Variants in TRPS1 observed in about 807,000 individuals in gnomAD.
TRPS1 encodes the protein zinc finger transcription factor Trps1.
In TRPS1, 6 loss-of-function variants were observed where a neutral mutation model predicts 101.2. That is an observed-to-expected ratio of 0.06 (90% CI 0.03 to 0.12). TRPS1 has a LOEUF of 0.12. TRPS1 is among the 10% of genes least tolerant of loss of function. The pLI is 1.00. For synonymous variants in TRPS1, 578 were observed against 589.8 expected (o/e 0.98, Z 0.29); for missense variants, 1,363 against 1,567.0 (o/e 0.87, Z 2.20).
In TRPS1 at chr8:115,425,167, A is replaced by T. The variant is rs148395930; in HGVS notation, c.2701-6715T>A. ...GGAAAGCACTCTGCCAACAGAAAGC[A>T]ATAGTTTACCAATATCCTGGCCAAC... is the stretch of plus-strand genomic sequence containing the variant. On this transcript the variant is annotated intron_variant, in intron 5 of 6. Coordinates refer to ENST00000395715, the MANE Select transcript of TRPS1 (RefSeq NM_014112.5). Among the ~76,000 whole-genome samples, 735 of 152,342 alleles carry T rather than the reference A, an allele frequency of 4.8e-3. 10 individuals carry two copies. The highest frequency in any genetic ancestry group is 0.017 in the African/African-American group (711 of 41,578).
At chr8:115,564,129 T>C (rs1817011484) in intron 5 of TRPS1, among the ~76,000 whole-genome samples, 2 of 152,032 alleles carry the variant, frequency 1.3e-5, no homozygotes, top group East Asian at 1.9e-4. Context: ...GCCAGGAATT[T>C]ATGTCAAATT....
At chr8:115,662,234 C>T (rs1811816707) in intron 1 of TRPS1, among the ~76,000 whole-genome samples, 2 of 151,844 alleles carry the variant, frequency 1.3e-5, no homozygotes, top group South Asian at 2.1e-4. Context: ...CCCAAATTTG[C>T]GGAATGCTTT....
intron 3 of TRPS1, among the ~76,000 whole-genome samples, chr8:115,613,319 T>C (rs1331182060): frequency 6.6e-6 from 1 of 152,218 alleles, no homozygotes; most frequent in Non-Finnish European, 1.5e-5. Flanking sequence ...AATAGAAGCT[T>C]AGTAAGTTCA....
intron 1 of TRPS1, among the ~76,000 whole-genome samples, chr8:115,632,756 C>T (rs914684531): frequency 1.6e-4 from 24 of 151,988 alleles, no homozygotes; most frequent in Admixed American, 3.9e-4. Flanking sequence ...TATATGGACA[C>T]GTGTAAAGTT....
chr8:115,471,550 C>T (rs1344315451), intron 5 of TRPS1, among the ~76,000 whole-genome samples: 1 of 152,106 alleles, frequency 6.6e-6, no homozygotes, highest in East Asian at 1.9e-4. Flanking sequence ...CCTGACCCCT[C>T]CCAAATCTCA....
At chr8:115,647,163 A>G (rs1563668106) in intron 1 of TRPS1, among the ~76,000 whole-genome samples, 1 of 152,192 alleles carries the variant, frequency 6.6e-6, no homozygotes, top group Non-Finnish European at 1.5e-5. Flanking sequence ...GCAGTTGGAT[A>G]CAAATTATAT....
At chr8:115,465,900 A>T (rs879262967) in intron 5 of TRPS1, among the ~76,000 whole-genome samples, 2 of 152,056 alleles carry the variant, frequency 1.3e-5, no homozygotes, top group Non-Finnish European at 2.9e-5. Context: ...ATGTATTTTA[A>T]AAAACAATAA....
At chr8:115,607,308 G>A (rs1185908320) in intron 3 of TRPS1, among the ~76,000 whole-genome samples, 2 of 151,978 alleles carry the variant, frequency 1.3e-5, no homozygotes, top group African/African-American at 4.8e-5. Context: ...TCAGGAGAAG[G>A]GACTACGAAA....
chr8:115,647,563 A>G (rs751916835), intron 1 of TRPS1, among the ~76,000 whole-genome samples: 7 of 152,202 alleles, frequency 4.6e-5, no homozygotes, highest in Admixed American at 1.3e-4. Context: ...CTTTATTTAT[A>G]GTTTCTGATT....
chr8:115,629,881 A>G (rs1818600509), intron 1 of TRPS1, among the ~76,000 whole-genome samples: 1 of 151,854 alleles, frequency 6.6e-6, no homozygotes, highest in Admixed American at 6.6e-5. Context: ...CAGAAAACCA[A>G]TGCCTGGGGT....
intron 5 of TRPS1, among the ~76,000 whole-genome samples, chr8:115,585,484 T>C (rs1374147123): frequency 6.6e-6 from 1 of 152,128 alleles, no homozygotes; most frequent in Non-Finnish European, 1.5e-5. Context: ...GATATAGATA[T>C]AAGGCCCCCA....
intron 1 of TRPS1, among the ~76,000 whole-genome samples, chr8:115,625,804 G>A (rs920140894): frequency 6.6e-6 from 1 of 151,776 alleles, no homozygotes; most frequent in Non-Finnish European, 1.5e-5. Flanking sequence ...AAAATCAGGA[G>A]GGCAAGATCC....
intron 1 of TRPS1, among the ~76,000 whole-genome samples, chr8:115,648,138 A>G (rs2737247): frequency 0.46 from 69,364 of 151,760 alleles, 17,867 homozygotes; most frequent in African/African-American, 0.69. Context: ...AGACAAGAGG[A>G]AAGAGAGTTT....
chr8:115,619,959 T>TACA lies in TRPS1; in HGVS notation c.138_139insTGT (p.Lys46_Asn47insCys), dbSNP rs1350263126. 6.2e-7 allele frequency: 1 copy of TACA among 1,614,214 alleles called. No homozygotes were observed. The highest frequency in any genetic ancestry group is 8.5e-7 in the Non-Finnish European group (1 of 1,180,042). On this transcript the variant is annotated inframe_insertion, in exon 3 of 7. Transcript: ENST00000395715. Reference sequence around the variant, plus strand: ...ATCTGATCTGCAGAAAATTCTTTGTTCTTTCCAGATACCTTGCTTTCTGTA... The same window carrying TACA: ...ATCTGATCTGCAGAAAATTCTTTGTTACACTTTCCAGATACCTTGCTTTCTGTA...
At chr8:115,514,022 T>C (rs1461762802) in intron 5 of TRPS1, among the ~76,000 whole-genome samples, 1 of 151,718 alleles carries the variant, frequency 6.6e-6, no homozygotes, top group East Asian at 1.9e-4. Context: ...ACATGGTATC[T>C]AAGTTAAACA....
At chr8:115,585,625 T>C (rs1014855786) in intron 5 of TRPS1, among the ~76,000 whole-genome samples, 2 of 152,106 alleles carry the variant, frequency 1.3e-5, no homozygotes, top group African/African-American at 2.4e-5. Context: ...ACAACAAATA[T>C]TGACAATGAT....
intron 3 of TRPS1, 67 bp from the exon 4 acceptor site, chr8:115,605,069 A>T: frequency 1.1e-5 from 16 of 1,437,750 alleles, no homozygotes; most frequent in Non-Finnish European, 1.5e-5. Flanking sequence ...TCTGCAGGGG[A>T]GGGGGAGGGT....
intron 5 of TRPS1, among the ~76,000 whole-genome samples, chr8:115,573,129 G>GAA (rs879374631): frequency 7.3e-6 from 1 of 137,506 alleles, no homozygotes. Context: ...CATCTCAAAA[G>GAA]AAAAAAAAAA....
At chr8:115,445,175 C>T (rs1387545669) in intron 5 of TRPS1, among the ~76,000 whole-genome samples, 1 of 152,060 alleles carries the variant, frequency 6.6e-6, no homozygotes, top group Admixed American at 6.6e-5. Context: ...ATACATTCTT[C>T]TCTCCCCTCC....
Sources: gnomAD v4.1 joint callset for allele counts (sites outside exome capture counted in the v4.1 genomes callset) on GRCh38, gnomAD v4.1.1 for gene constraint, MANE v1.5 for transcripts, NCBI Gene and HGNC (gene_info 2026-07-23, HGNC 2026-07-21) for gene names.